ZNF248: variants seen among roughly 807,000 people sequenced by gnomAD.
ZNF248 encodes the protein KRAB protein domain.
A neutral mutation model predicts 44.3 loss-of-function variants in ZNF248; 20 were observed. The ratio of observed to expected loss-of-function variants is 0.45; its 90% CI spans 0.32 to 0.66. ZNF248 has a LOEUF of 0.66. ZNF248 is among the 30% of genes least tolerant of loss of function. ZNF248 has a pLI of 0.04. For synonymous variants in ZNF248, 224 were observed against 229.0 expected, an observed-to-expected ratio of 0.98 and a Z score of 0.20; for missense variants, 654 against 677.0, an observed-to-expected ratio of 0.97 and a Z score of 0.38.
chr10:37,836,771 TACACAC>T (rs72082671), intron 5 of ZNF248, among the ~76,000 whole-genome samples: 8,613 of 148,338 alleles, frequency 0.058, 345 homozygotes, highest in African/African-American at 0.11. Context: ...CACAGACATG[TACACAC>T]ACACACACAC....
At chr10:37,826,506 G>T (rs1022902698), downstream of ZNF248, among the ~76,000 whole-genome samples, 3 of 152,090 alleles carry the variant, frequency 2.0e-5, no homozygotes, top group African/African-American at 7.2e-5. Context: ...GGACGTTCAG[G>T]TACGTTTTTC....
chr10:37,771,262 C>T, the ZNF248 span, among the ~76,000 whole-genome samples: 1 of 152,132 alleles, frequency 6.6e-6, no homozygotes, highest in Non-Finnish European at 1.5e-5. Flanking sequence ...CCCAGCCATC[C>T]CATTACTGGG....
chr10:37,821,473 A>G (rs948385194), intron 6 of ZNF248, among the ~76,000 whole-genome samples: 2 of 152,186 alleles, frequency 1.3e-5, no homozygotes, highest in African/African-American at 4.8e-5. Context: ...CCCTCAGTCC[A>G]GCTCTTACTA....
rs1274015260 is a variant in ZNF248 at position 37,830,443 on chromosome 10, A to C, written c.*1172T>G. The C allele has an allele frequency of 1.0e-6, 1 of 985,298 alleles. No homozygotes were observed. Among genetic ancestry groups the C allele is most frequent in the Non-Finnish European group, 1.2e-6 (1 of 829,928 alleles). 61.0% of individuals were successfully genotyped at this position (985,298 alleles called of 1,614,324 possible). On this transcript the variant is annotated 3_prime_UTR_variant, in exon 6 of 6. Transcript: ENST00000395867. ...GGCCAACCTACAAAGAGACTCCGGT[A>C]GTATTTAGAGTAGGACAGATTCAGA...
At chr10:37,849,658 G>A (rs1298329633) in intron 3 of ZNF248, among the ~76,000 whole-genome samples, 2 of 151,852 alleles carry the variant, frequency 1.3e-5, no homozygotes, top group Admixed American at 6.6e-5. Flanking sequence ...CTGCACTCTA[G>A]CCTCGGCAAC....
intron 3 of ZNF248, among the ~76,000 whole-genome samples, chr10:37,848,081 G>C (rs2059621204): frequency 6.6e-6 from 1 of 151,998 alleles, no homozygotes. Flanking sequence ...GACCAGCCTA[G>C]CCAATGTGGT....
At chr10:37,776,516 C>T, downstream of ZNF248, 1 of 398,364 alleles carries the variant, frequency 2.5e-6, no homozygotes, top group Non-Finnish European at 4.4e-6. Context: ...ATTCCTGTTC[C>T]TAGGGCGCCT....
intron 6 of ZNF248, among the ~76,000 whole-genome samples, chr10:37,823,108 G>A (rs770676125): frequency 6.6e-6 from 1 of 151,740 alleles, no homozygotes; most frequent in Non-Finnish European, 1.5e-5. Flanking sequence ...GGCCGAGGTG[G>A]GCCAATCACG....
intron 6 of ZNF248, among the ~76,000 whole-genome samples, chr10:37,814,739 G>C (rs2052145459): frequency 6.6e-6 from 1 of 152,176 alleles, no homozygotes. Context: ...GATCTGATAA[G>C]AAATCTGCTA....
chr10:37,771,044 G>A, the ZNF248 span, among the ~76,000 whole-genome samples: 1 of 152,186 alleles, frequency 6.6e-6, no homozygotes, highest in Non-Finnish European at 1.5e-5. Flanking sequence ...CTGGCCATCA[G>A]AGAAATGCAA....
At chr10:37,812,663 C>T (rs1248630312) in intron 6 of ZNF248, among the ~76,000 whole-genome samples, 2 of 152,074 alleles carry the variant, frequency 1.3e-5, no homozygotes, top group Non-Finnish European at 2.9e-5. Context: ...CCACCCAGAA[C>T]CCCAGCAGTT....
chr10:37,780,181 G>A (rs1335744325), intron 6 of ZNF248, among the ~76,000 whole-genome samples: 1 of 151,076 alleles, frequency 6.6e-6, no homozygotes, highest in African/African-American at 2.4e-5. Context: ...AGTTCATATG[G>A]AACCAAAAAG....
intron 6 of ZNF248, among the ~76,000 whole-genome samples, chr10:37,823,226 C>A (rs147852072): frequency 0.011 from 1,672 of 145,398 alleles, 33 homozygotes; most frequent in African/African-American, 0.039. Flanking sequence ...CCCAGCTGCT[C>A]GGGAGGCTGA....
chr10:37,814,658 T>C (rs1013463382), intron 6 of ZNF248, among the ~76,000 whole-genome samples: 1 of 152,234 alleles, frequency 6.6e-6, no homozygotes, highest in African/African-American at 2.4e-5. Context: ...AAATACAGGA[T>C]TGTTTGCTGA....
the ZNF248 span, among the ~76,000 whole-genome samples, chr10:37,771,112 T>A: frequency 3.3e-5 from 5 of 152,106 alleles, no homozygotes; most frequent in South Asian, 1.0e-3. Context: ...CATTAAAAAG[T>A]CAGGAAACAA....
chr10:37,766,766 T>G, the ZNF248 span, among the ~76,000 whole-genome samples: 4 of 152,182 alleles, frequency 2.6e-5, no homozygotes, highest in East Asian at 7.7e-4. Flanking sequence ...GGAAGAAAGC[T>G]GGATGGAGAA....
chr10:37,851,561 A>G (rs2060223870), intron 3 of ZNF248, among the ~76,000 whole-genome samples: 1 of 152,158 alleles, frequency 6.6e-6, no homozygotes, highest in East Asian at 1.9e-4. Flanking sequence ...TATATGAAAC[A>G]TACTTGTTAA....
chr10:37,820,687 G>A (rs1013128295), intron 6 of ZNF248: 33 of 1,375,348 alleles, frequency 2.4e-5, no homozygotes, highest in South Asian at 4.6e-5. Context: ...GCTTTTTCTC[G>A]GGAGTCTCTA....
chr10:37,778,228 C>T (rs2046838777), intron 6 of ZNF248, among the ~76,000 whole-genome samples: 1 of 150,952 alleles, frequency 6.6e-6, no homozygotes, highest in Non-Finnish European at 1.5e-5. Flanking sequence ...GATCGCCATT[C>T]TAACTGGTGT....
Sources: gnomAD v4.1 joint callset for allele counts (sites outside exome capture counted in the v4.1 genomes callset) on GRCh38, gnomAD v4.1.1 for gene constraint, MANE v1.5 for transcripts, NCBI Gene and HGNC (gene_info 2026-07-23, HGNC 2026-07-21) for gene names.